MTUS2: variants seen among roughly 807,000 people sequenced by gnomAD.
MTUS2 encodes microtubule associated scaffold protein 2.
Under a neutral mutation model 114.1 loss-of-function variants are expected in MTUS2, and 40 were observed. That is an observed-to-expected ratio of 0.35 (90% CI 0.27 to 0.46). The LOEUF (loss-of-function observed/expected upper bound fraction) is 0.46, where lower values mean the gene tolerates loss of function less well. Ranked by LOEUF, MTUS2 falls within the 20% of genes least tolerant of loss-of-function variation. The pLI is 1.00. For missense variants in MTUS2, 1,679 were observed against 1,705.4 expected, an observed-to-expected ratio of 0.98 and a Z score of 0.27; for synonymous variants, 688 against 672.0, an observed-to-expected ratio of 1.02 and a Z score of -0.37.
intron 5 of MTUS2, among the ~76,000 whole-genome samples, chr13:29,179,458 A>G (rs553397536): frequency 2.0e-5 from 3 of 152,332 alleles, no homozygotes; most frequent in South Asian, 2.1e-4. Context: ...TTGGAAATAC[A>G]TAACAGCAAC....
intron 8 of MTUS2, chr13:29,428,842 G>A (rs1223011861): frequency 6.2e-7 from 1 of 1,613,976 alleles, no homozygotes; most frequent in African/African-American, 1.3e-5. Context: ...AGCCTGCCGG[G>A]ATGGGCCATT....
At chr13:29,106,618 G>A (rs971743376) in intron 5 of MTUS2, among the ~76,000 whole-genome samples, 4 of 152,162 alleles carry the variant, frequency 2.6e-5, no homozygotes, top group Non-Finnish European at 2.9e-5. Context: ...GCCTCCCAAA[G>A]TGCTGGGATT....
chr13:28,960,248 TG>T (rs1462529003), intron 2 of MTUS2, among the ~76,000 whole-genome samples: 1 of 152,130 alleles, frequency 6.6e-6, no homozygotes, highest in Non-Finnish European at 1.5e-5. Context: ...GGCAAGGATA[TG>T]GAAAAGTTAG....
chr13:29,016,604 T>C (rs1334606460), intron 2 of MTUS2, among the ~76,000 whole-genome samples: 1 of 152,180 alleles, frequency 6.6e-6, no homozygotes, highest in East Asian at 1.9e-4. Context: ...TACTCATGTA[T>C]ATATTCTTCT....
chr13:29,013,489 A>G (rs1406570475), intron 2 of MTUS2, among the ~76,000 whole-genome samples: 1 of 152,176 alleles, frequency 6.6e-6, no homozygotes, highest in African/African-American at 2.4e-5. Context: ...CCATAGATCA[A>G]TCCCATGCTT....
intron 5 of MTUS2, among the ~76,000 whole-genome samples, chr13:29,174,645 T>C (rs1236359165): frequency 2.6e-5 from 4 of 152,206 alleles, no homozygotes; most frequent in Non-Finnish European, 5.9e-5. Context: ...AGGGGCTTTA[T>C]GTTTAATTCT....
intron 5 of MTUS2, among the ~76,000 whole-genome samples, chr13:29,232,314 A>G (rs61251140): frequency 0.47 from 71,139 of 150,536 alleles, 17,268 homozygotes; most frequent in Non-Finnish European, 0.53. Context: ...GCGCACACAC[A>G]CACACACACG....
intron 5 of MTUS2, among the ~76,000 whole-genome samples, chr13:29,267,152 A>G (rs1366462917): frequency 6.6e-6 from 1 of 152,206 alleles, no homozygotes; most frequent in Non-Finnish European, 1.5e-5. Context: ...CCATGAGGGA[A>G]ACAAGCATAC....
intron 8 of MTUS2, among the ~76,000 whole-genome samples, chr13:29,376,756 C>G (rs1296087216): frequency 6.6e-6 from 1 of 152,156 alleles, no homozygotes; most frequent in African/African-American, 2.4e-5. Context: ...CCAATGTTAT[C>G]TGCTGCTTTC....
intron 6 of MTUS2, among the ~76,000 whole-genome samples, chr13:29,294,122 C>T (rs1178549198): frequency 1.3e-5 from 2 of 151,958 alleles, no homozygotes; most frequent in African/African-American, 4.8e-5. Context: ...ATGAAGGTTA[C>T]AGAAAAAAAT....
chr13:29,337,476 C>G (rs1030623028), intron 7 of MTUS2, among the ~76,000 whole-genome samples: 2 of 152,180 alleles, frequency 1.3e-5, no homozygotes, highest in African/African-American at 4.8e-5. Context: ...TGGGCTGCAC[C>G]CACTGTCTAA....
At chr13:28,869,007 C>T (rs909972426) in intron 2 of MTUS2, among the ~76,000 whole-genome samples, 9 of 152,242 alleles carry the variant, frequency 5.9e-5, no homozygotes, top group East Asian at 3.9e-4. Flanking sequence ...AGAAGGTTGG[C>T]GGACATTTAA....
At chr13:29,347,273 TC>T (rs1244337524) in intron 7 of MTUS2, among the ~76,000 whole-genome samples, 2 of 152,216 alleles carry the variant, frequency 1.3e-5, no homozygotes, top group Non-Finnish European at 2.9e-5. Flanking sequence ...TGGAGGTCTT[TC>T]TTTCATTGTG....
chr13:29,042,463 G>T (rs1295879206), intron 4 of MTUS2, among the ~76,000 whole-genome samples: 1 of 152,194 alleles, frequency 6.6e-6, no homozygotes, highest in Admixed American at 6.5e-5. Context: ...TTTAGTGTTA[G>T]GGTGATACTG....
chr13:29,012,704 C>G lies in MTUS2; in HGVS notation c.-242-11753C>G, dbSNP rs367880916. ...CTGGCTAACACGGTGCAACCCCCAT[C>G]TCCACTAAAAATACAAAAAATTAGC... On this transcript the variant is annotated intron_variant, in intron 2 of 15. Coordinates refer to ENST00000612955, the MANE Select transcript of MTUS2 (RefSeq NM_001033602.4). Among the ~76,000 whole-genome samples the G allele has an allele frequency of 1.2e-3, 181 of 152,142 alleles. 1 individual carries two copies. Among genetic ancestry groups the G allele is most frequent in the African/African-American group, 4.1e-3 (170 of 41,508 alleles).
At chr13:29,494,466 C>T (rs1014267802) in intron 12 of MTUS2, among the ~76,000 whole-genome samples, 3 of 151,800 alleles carry the variant, frequency 2.0e-5, no homozygotes, top group Admixed American at 6.6e-5. Flanking sequence ...AATTGCCTGA[C>T]GAGTTTGCTG....
chr13:29,287,695 C>G (rs189940245), intron 6 of MTUS2, among the ~76,000 whole-genome samples: 5 of 152,344 alleles, frequency 3.3e-5, no homozygotes, highest in Non-Finnish European at 7.3e-5. Context: ...ACTAGACTTG[C>G]TTTCCTAGGT....
chr13:28,855,232 A>G (rs547339854), intron 2 of MTUS2, among the ~76,000 whole-genome samples: 13 of 152,164 alleles, frequency 8.5e-5, no homozygotes, highest in Admixed American at 3.3e-4. Flanking sequence ...GCATAATTCT[A>G]TCATCTCACA....
chr13:29,303,757 G>A (rs960191504), intron 6 of MTUS2, among the ~76,000 whole-genome samples: 2 of 152,090 alleles, frequency 1.3e-5, no homozygotes, highest in African/African-American at 4.8e-5. Flanking sequence ...AGCAAGACAT[G>A]CCAACATTCA....
Sources: allele counts gnomAD v4.1 joint callset (sites outside exome capture counted in the v4.1 genomes callset), GRCh38; gene constraint gnomAD v4.1.1; transcripts MANE v1.5; gene names NCBI Gene and HGNC (gene_info 2026-07-23, HGNC 2026-07-21).